Variants in CTNNBIP1 observed in about 807,000 individuals in gnomAD.
CTNNBIP1 encodes beta-catenin-interacting protein 1.
CTNNBIP1 carries 7 observed loss-of-function variants against 11.8 expected under a neutral mutation model. The observed-to-expected ratio is 0.60, with a 90% CI of 0.34 to 1.12. The LOEUF (loss-of-function observed/expected upper bound fraction) is 1.12. Ranked by LOEUF, CTNNBIP1 falls within the 50% of genes most tolerant of loss-of-function variation. The pLI, the probability that CTNNBIP1 is intolerant of heterozygous loss-of-function variation, is 0.03. For missense variants in CTNNBIP1, 101 were observed against 113.4 expected (o/e 0.89, Z 0.50); for synonymous variants, 58 against 43.9 (o/e 1.32, Z -1.26).
At chr1:9,888,120 C>A (rs1026088949) in intron 1 of CTNNBIP1, among the ~76,000 whole-genome samples, 1 of 151,764 alleles carries the variant, frequency 6.6e-6, no homozygotes. Context: ...CACCACACCC[C>A]GCTAATTAAT....
At chr1:9,900,095 G>C (rs1232233399) in intron 1 of CTNNBIP1, among the ~76,000 whole-genome samples, 1 of 149,952 alleles carries the variant, frequency 6.7e-6, no homozygotes, top group Middle Eastern at 3.4e-3. Flanking sequence ...ACAATCAATA[G>C]AATGCCATTA....
intron 2 of CTNNBIP1, among the ~76,000 whole-genome samples, chr1:9,881,600 A>G (rs768345629): frequency 3.5e-4 from 53 of 151,654 alleles, no homozygotes; most frequent in Non-Finnish European, 6.8e-4. Context: ...CAGTCTCCCA[A>G]AGTGCTGGGA....
chr1:9,859,740 A>G (rs1341299168), intron 5 of CTNNBIP1, among the ~76,000 whole-genome samples: 1 of 152,238 alleles, frequency 6.6e-6, no homozygotes, highest in African/African-American at 2.4e-5. Context: ...CCCAAGGCCA[A>G]TCCACAGAGC....
At chr1:9,903,839 C>T (rs532909138) in intron 1 of CTNNBIP1, among the ~76,000 whole-genome samples, 2 of 152,276 alleles carry the variant, frequency 1.3e-5, no homozygotes, top group East Asian at 3.9e-4. Flanking sequence ...GGAGGCTTTT[C>T]TTTCTTCTCT....
intron 5 of CTNNBIP1, among the ~76,000 whole-genome samples, chr1:9,852,555 G>A (rs868526473): frequency 6.6e-6 from 1 of 152,138 alleles, no homozygotes; most frequent in South Asian, 2.1e-4. Context: ...CTAGGACCAC[G>A]CAATATCACT....
intron 2 of CTNNBIP1, among the ~76,000 whole-genome samples, chr1:9,881,156 C>T (rs1308319042): frequency 6.6e-6 from 1 of 152,042 alleles, no homozygotes; most frequent in African/African-American, 2.4e-5. Context: ...CCACCTCAGC[C>T]TCCTGCATGG....
At chr1:9,868,878 T>C (rs546580836) in intron 5 of CTNNBIP1, among the ~76,000 whole-genome samples, 1 of 152,184 alleles carries the variant, frequency 6.6e-6, no homozygotes, top group African/African-American at 2.4e-5. Context: ...TCAGGTGATC[T>C]GCCCACCTTG....
intron 5 of CTNNBIP1, among the ~76,000 whole-genome samples, chr1:9,852,318 A>C (rs1281152944): frequency 6.6e-6 from 1 of 152,234 alleles, no homozygotes; most frequent in East Asian, 1.9e-4. Flanking sequence ...TCCACTTGGC[A>C]CTAGAGAACC....
chr1:9,875,975 G>A (rs923336873), intron 3 of CTNNBIP1, among the ~76,000 whole-genome samples: 1 of 152,188 alleles, frequency 6.6e-6, no homozygotes, highest in East Asian at 1.9e-4. Flanking sequence ...GTATGTCTCT[G>A]TTTGTTGCCT....
chr1:9,899,946 T>C (rs957515874), intron 1 of CTNNBIP1, among the ~76,000 whole-genome samples: 2 of 151,516 alleles, frequency 1.3e-5, no homozygotes, highest in Non-Finnish European at 2.9e-5. Context: ...TGGTGGCACA[T>C]GCCTGTAATC....
At chr1:9,866,874 A>G (rs1463914584) in intron 5 of CTNNBIP1, among the ~76,000 whole-genome samples, 1 of 151,862 alleles carries the variant, frequency 6.6e-6, no homozygotes, top group Non-Finnish European at 1.5e-5. Flanking sequence ...AATGAGAGGG[A>G]GAGAATGAAG....
At chr1:9,892,371 G>C (rs1256090506) in intron 1 of CTNNBIP1, among the ~76,000 whole-genome samples, 2 of 150,468 alleles carry the variant, frequency 1.3e-5, no homozygotes, top group African/African-American at 2.5e-5. Context: ...GGAGTGAGCC[G>C]AGATCGCGCC....
At chr1:9,890,067 A>G (rs1426338103) in intron 1 of CTNNBIP1, among the ~76,000 whole-genome samples, 2 of 152,176 alleles carry the variant, frequency 1.3e-5, no homozygotes, top group African/African-American at 4.8e-5. Flanking sequence ...CTATAACTGG[A>G]TTGGCATGAG....
chr1:9,908,839 G>C (rs1639673134), intron 1 of CTNNBIP1, among the ~76,000 whole-genome samples: 1 of 152,164 alleles, frequency 6.6e-6, no homozygotes, highest in Non-Finnish European at 1.5e-5. Flanking sequence ...CCCAGTACTT[G>C]GAACGGTGCC....
intron 5 of CTNNBIP1, among the ~76,000 whole-genome samples, chr1:9,858,200 C>T (rs933069489): frequency 1.3e-5 from 2 of 152,180 alleles, no homozygotes. Context: ...TCCCCGCTTG[C>T]CTTGACCTCC....
At chr1:9,900,732 G>A (rs374230209) in intron 1 of CTNNBIP1, among the ~76,000 whole-genome samples, 2 of 152,190 alleles carry the variant, frequency 1.3e-5, no homozygotes, top group African/African-American at 4.8e-5. Flanking sequence ...AGCAGAACTG[G>A]GGGCCAGCTT....
intron 1 of CTNNBIP1, among the ~76,000 whole-genome samples, chr1:9,890,979 C>T (rs1026152370): frequency 2.6e-5 from 4 of 152,138 alleles, no homozygotes; most frequent in African/African-American, 9.7e-5. Context: ...GTGCGGGTCA[C>T]CTCCAGAGAG....
chr1:9,878,749 G>A (rs897523442), intron 2 of CTNNBIP1, among the ~76,000 whole-genome samples: 1 of 152,218 alleles, frequency 6.6e-6, no homozygotes, highest in Non-Finnish European at 1.5e-5. Context: ...GGCGCTGGGA[G>A]CCTTGCCCAC....
intron 3 of CTNNBIP1, among the ~76,000 whole-genome samples, chr1:9,875,116 A>G (rs1438609445): frequency 6.6e-6 from 1 of 152,144 alleles, no homozygotes; most frequent in Non-Finnish European, 1.5e-5. Context: ...CCAGGGCCCC[A>G]GACCACCCGG....
Sources: allele counts gnomAD v4.1 joint callset (sites outside exome capture counted in the v4.1 genomes callset), GRCh38; gene constraint gnomAD v4.1.1; transcripts MANE v1.5; gene names NCBI Gene and HGNC (gene_info 2026-07-23, HGNC 2026-07-21).